The following IL1RAPL1 variants were observed in gnomAD, a reference collection of about 807,000 sequenced individuals.
IL1RAPL1 encodes the protein interleukin 1 receptor accessory protein like 1, also known as interleukin-1 receptor accessory protein-like 1.
A neutral mutation model predicts 48.4 loss-of-function variants in IL1RAPL1; 3 were observed. The observed-to-expected ratio is 0.06, with a 90% CI of 0.03 to 0.16. The LOEUF is 0.16. Ranked by LOEUF, IL1RAPL1 falls within the 10% of genes least tolerant of loss-of-function variation. The pLI is 1.00. For synonymous variants in IL1RAPL1, 185 were observed against 187.7 expected, an observed-to-expected ratio of 0.99 and a Z score of 0.12; for missense variants, 349 against 530.6, an observed-to-expected ratio of 0.66 and a Z score of 3.36.
At chrX:29,103,888 C>G (rs1281445141) in intron 2 of IL1RAPL1, among the ~76,000 whole-genome samples, 1 of 111,828 alleles carries the variant, frequency 8.9e-6, no homozygotes, top group Non-Finnish European at 1.9e-5. Flanking sequence ...CATCACTGAT[C>G]ATCAGAGAAA....
intron 2 of IL1RAPL1, among the ~76,000 whole-genome samples, chrX:28,970,519 A>G (rs1269963948): frequency 8.9e-6 from 1 of 111,917 alleles, no homozygotes; most frequent in East Asian, 2.8e-4. Flanking sequence ...TGTCAATTGG[A>G]TGTTCTAACT....
At chrX:29,210,233 CAG>C (rs1337806458) in intron 2 of IL1RAPL1, among the ~76,000 whole-genome samples, 2 of 111,970 alleles carry the variant, frequency 1.8e-5, no homozygotes, top group African/African-American at 6.5e-5. Context: ...TAAACTAAGA[CAG>C]AATGAAAATG....
intron 9 of IL1RAPL1, among the ~76,000 whole-genome samples, chrX:29,952,687 A>T (rs1933343241): frequency 9.1e-6 from 1 of 109,763 alleles, no homozygotes; most frequent in Non-Finnish European, 1.9e-5. Flanking sequence ...CAAATATAAT[A>T]ATTATTTTTG....
chrX:29,907,452 T>C (rs1467159647), intron 6 of IL1RAPL1, among the ~76,000 whole-genome samples: 1 of 111,248 alleles, frequency 9.0e-6, no homozygotes, highest in Non-Finnish European at 1.9e-5. Flanking sequence ...TTCATAGTAA[T>C]ATTTAACTCT....
chrX:29,119,896 C>T (rs1375520971), intron 2 of IL1RAPL1, among the ~76,000 whole-genome samples: 1 of 111,458 alleles, frequency 9.0e-6, no homozygotes, highest in African/African-American at 3.3e-5. Context: ...ACTATTTTTC[C>T]AGACCCTAGC....
chrX:29,639,550 T>G (rs868777332), intron 5 of IL1RAPL1, among the ~76,000 whole-genome samples: 9,499 of 105,883 alleles, frequency 0.09, 372 homozygotes, highest in Middle Eastern at 0.19. Flanking sequence ...TAAAAGTTTT[T>G]TTTTTTTTTT....
At chrX:28,878,461 G>C (rs994713501) in intron 2 of IL1RAPL1, among the ~76,000 whole-genome samples, 4 of 112,200 alleles carry the variant, frequency 3.6e-5, no homozygotes, top group African/African-American at 1.3e-4. Context: ...GACTCAGGCG[G>C]TGTGCATGTG....
At chrX:29,211,094 T>TGA (rs1245776679) in intron 2 of IL1RAPL1, among the ~76,000 whole-genome samples, 4 of 89,957 alleles carry the variant, frequency 4.4e-5, no homozygotes, top group Non-Finnish European at 6.8e-5. Flanking sequence ...ACACACAGAG[T>TGA]GAGAGAGAGA....
chrX:29,246,687 T>C (rs963797418), intron 2 of IL1RAPL1, among the ~76,000 whole-genome samples: 5 of 111,593 alleles, frequency 4.5e-5, no homozygotes, highest in African/African-American at 1.6e-4. Flanking sequence ...GTACTATTTT[T>C]TATGGGTTCT....
intron 2 of IL1RAPL1, among the ~76,000 whole-genome samples, chrX:28,863,617 A>G (rs1372084951): frequency 9.0e-6 from 1 of 111,352 alleles, no homozygotes; most frequent in Non-Finnish European, 1.9e-5. Flanking sequence ...CATCTAAACC[A>G]TTTATAAGGA....
At chrX:29,178,833 C>A (rs1470309988) in intron 2 of IL1RAPL1, among the ~76,000 whole-genome samples, 6 of 111,930 alleles carry the variant, frequency 5.4e-5, no homozygotes, top group Admixed American at 2.8e-4. Flanking sequence ...GTTTTCCCAG[C>A]ACCATTTATT....
chrX:28,916,538 C>T (rs1372161088), intron 2 of IL1RAPL1, among the ~76,000 whole-genome samples: 4 of 112,326 alleles, frequency 3.6e-5, no homozygotes, highest in Non-Finnish European at 7.5e-5. Context: ...AGATGCTCTG[C>T]ATGTGTTCTT....
chrX:29,189,856 C>A (rs1389288463), intron 2 of IL1RAPL1, among the ~76,000 whole-genome samples: 1 of 111,619 alleles, frequency 9.0e-6, no homozygotes, highest in Non-Finnish European at 1.9e-5. Context: ...AAACACAAGG[C>A]ATTACTATTG....
intron 1 of IL1RAPL1, among the ~76,000 whole-genome samples, chrX:28,629,093 C>G (rs1483857693): frequency 2.7e-5 from 3 of 111,239 alleles, no homozygotes; most frequent in African/African-American, 9.8e-5. Flanking sequence ...ATAGCAAGTT[C>G]ATAGTTTGAG....
At chrX:29,397,591 TTC>T (rs2147686822) in intron 4 of IL1RAPL1, among the ~76,000 whole-genome samples, 1 of 110,515 alleles carries the variant, frequency 9.0e-6, no homozygotes, top group South Asian at 3.9e-4. Flanking sequence ...AATTTTCTTT[TTC>T]TCTTTTTTTA....
chrX:29,785,074 G>A (rs893407302), intron 6 of IL1RAPL1, among the ~76,000 whole-genome samples: 5 of 111,690 alleles, frequency 4.5e-5, no homozygotes, highest in East Asian at 5.6e-4. Context: ...AGATTTCAAC[G>A]CAATCAAGAA....
At chrX:28,951,386 A>T (rs1403749363) in intron 2 of IL1RAPL1, among the ~76,000 whole-genome samples, 3 of 102,076 alleles carry the variant, frequency 2.9e-5, no homozygotes, top group Non-Finnish European at 6.0e-5. Flanking sequence ...AACTTCATAT[A>T]AATGTATTGG....
intron 2 of IL1RAPL1, among the ~76,000 whole-genome samples, chrX:28,840,048 C>T (rs1040790147): frequency 1.8e-5 from 2 of 110,759 alleles, no homozygotes; most frequent in Middle Eastern, 4.2e-3. Context: ...TGTACCAAAA[C>T]GATATTGGAC....
At chrX:29,085,562 G>C (rs753710208) in intron 2 of IL1RAPL1, among the ~76,000 whole-genome samples, 3 of 112,161 alleles carry the variant, frequency 2.7e-5, no homozygotes, top group Non-Finnish European at 5.6e-5. Context: ...CACATAGTAA[G>C]TGTATAATTG....
Sources: allele counts gnomAD v4.1 joint callset (sites outside exome capture counted in the v4.1 genomes callset), GRCh38; gene constraint gnomAD v4.1.1; transcripts MANE v1.5; gene names NCBI Gene and HGNC (gene_info 2026-07-23, HGNC 2026-07-21).